Variants in BMERB1 observed in about 807,000 individuals in gnomAD.
BMERB1 encodes the protein bMERB domain containing 1.
Under a neutral mutation model 23.6 loss-of-function variants are expected in BMERB1, and 12 were observed. That is an observed-to-expected ratio of 0.51 (90% CI 0.33 to 0.82). The LOEUF (loss-of-function observed/expected upper bound fraction) is 0.82, where lower values mean the gene tolerates loss of function less well. Among genes scored for constraint, BMERB1 ranks in the 40% least tolerant of loss-of-function variants. The probability of loss-of-function intolerance (pLI) is 0.03; values close to 1 mark genes in which losing one functional copy is unlikely to be tolerated. For missense variants in BMERB1, 247 were observed against 255.4 expected, an observed-to-expected ratio of 0.97 and a Z score of 0.22; for synonymous variants, 122 against 96.6, an observed-to-expected ratio of 1.26 and a Z score of -1.54.
At chr16:15,482,098 C>G (rs567478724) in intron 1 of BMERB1, among the ~76,000 whole-genome samples, 2 of 152,182 alleles carry the variant, frequency 1.3e-5, no homozygotes, top group East Asian at 3.9e-4. Context: ...GAGATGTTTC[C>G]TGGCAGGATA....
Position 15,434,608 on chromosome 16 carries a change from G to GAATGGAGT in BMERB1, c.-43_-36dup, listed in dbSNP as rs1324813820. 6.4e-7 allele frequency: 1 copy of GAATGGAGT among 1,564,410 alleles called. No individual in the cohort carries two copies. Among genetic ancestry groups the GAATGGAGT allele is most frequent in the Non-Finnish European group, 8.8e-7 (1 of 1,135,172 alleles). Reference sequence around the variant, plus strand: ...CCTCCCTCCCTGCAGCCCGCAACGGGAATGGAGTAAAGGGAGACCCGTCGA... The same window carrying GAATGGAGT: ...CCTCCCTCCCTGCAGCCCGCAACGGGAATGGAGTAATGGAGTAAAGGGAGACCCGTCGA... On this transcript the variant is annotated 5_prime_UTR_variant, in exon 1 of 6. It adds an upstream start codon to the 5' untranslated region. Coordinates refer to ENST00000300006, the MANE Select transcript of BMERB1 (RefSeq NM_033201.3).
At chr16:15,489,676 G>C (rs954589074) in intron 1 of BMERB1, among the ~76,000 whole-genome samples, 4 of 152,156 alleles carry the variant, frequency 2.6e-5, no homozygotes, top group African/African-American at 7.2e-5. Flanking sequence ...ATTTTCTGAC[G>C]TGGGTCCTCC....
chr16:15,515,560 T>TCGGGCGGATCACGAGGTCAGGAGATCGA, intron 2 of BMERB1, 132 bp downstream of exon 2: 2 of 1,270,562 alleles, frequency 1.6e-6, no homozygotes, highest in South Asian at 1.7e-5. Flanking sequence ...AAGCCTCATT[T>TCGGGCGGATCACGAGGTCAGGAGATCGA]GATTCTCACC....
chr16:15,547,226 G>A (rs2029946558), intron 2 of BMERB1, among the ~76,000 whole-genome samples: 1 of 151,696 alleles, frequency 6.6e-6, no homozygotes, highest in African/African-American at 2.4e-5. Flanking sequence ...TGGCCAGGCT[G>A]GTCTTAAACT....
At chr16:15,463,585 C>T (rs1361637634) in intron 1 of BMERB1, among the ~76,000 whole-genome samples, 2 of 152,188 alleles carry the variant, frequency 1.3e-5, no homozygotes, top group Non-Finnish European at 2.9e-5. Context: ...CTTACTCACA[C>T]TCTGAGACTG....
Position 15,434,724 on chromosome 16 carries a change from A to C in BMERB1, c.71A>C (p.Glu24Ala). The change falls in exon 1 of 6, where the codon GAG (glutamate) becomes GCG (alanine). Residue 24 changes from glutamate (E) to alanine (A), a missense_variant. Physicochemically the swap from Glu to Ala is moderately radical, Grantham distance 107. Coordinates refer to ENST00000300006, the MANE Select transcript of BMERB1 (RefSeq NM_033201.3). Reference protein sequence around the residue: ...EKPLRRYGAVEETAWKTERLG... With the variant: ...EKPLRRYGAVAETAWKTERLG... ...CCTCTGAGGCGCTATGGGGCGGTGG[A>C]GGAGACGGCTTGGAAAACGGAGAGA... 1 of 1,501,120 alleles carries C rather than the reference A, an allele frequency of 6.7e-7. No individual in the cohort carries two copies. The highest frequency in any genetic ancestry group is 9.0e-7 in the Non-Finnish European group (1 of 1,113,304). 93.0% of individuals were successfully genotyped at this position (1,501,120 alleles called of 1,614,324 possible).
chr16:15,546,938 G>A (rs908581525), intron 2 of BMERB1, among the ~76,000 whole-genome samples: 3 of 151,988 alleles, frequency 2.0e-5, no homozygotes, highest in African/African-American at 7.3e-5. Context: ...TCAAGGCCCA[G>A]GAAAGGCCTG....
intron 1 of BMERB1, among the ~76,000 whole-genome samples, chr16:15,444,112 G>A (rs2050965550): frequency 1.7e-5 from 1 of 59,042 alleles, no homozygotes. Flanking sequence ...CAGGGTCCAG[G>A]CACCAGCTTT....
intron 1 of BMERB1, among the ~76,000 whole-genome samples, chr16:15,509,548 CT>C (rs2051634795): frequency 6.6e-6 from 1 of 152,186 alleles, no homozygotes; most frequent in Non-Finnish European, 1.5e-5. Context: ...CATAAAGGGA[CT>C]CATTCGAGGT....
intron 2 of BMERB1, among the ~76,000 whole-genome samples, chr16:15,562,536 G>A (rs2030452173): frequency 6.6e-6 from 1 of 152,056 alleles, no homozygotes; most frequent in Non-Finnish European, 1.5e-5. Flanking sequence ...CTCAACTTCA[G>A]TGTGATTGAC....
intron 2 of BMERB1, among the ~76,000 whole-genome samples, chr16:15,549,641 T>C (rs2030023684): frequency 6.6e-6 from 1 of 150,660 alleles, no homozygotes; most frequent in African/African-American, 2.4e-5. Flanking sequence ...ATCACGCCAC[T>C]GCACTCCATC....
chr16:15,443,931 G>A (rs2150921582), intron 1 of BMERB1, among the ~76,000 whole-genome samples: 1 of 151,824 alleles, frequency 6.6e-6, no homozygotes, highest in African/African-American at 2.4e-5. Flanking sequence ...AAAAAAAAGT[G>A]TGAAATTAGG....
Position 15,466,539 on chromosome 16 carries a change from T to C in BMERB1, c.106+31780T>C, listed in dbSNP as rs367821368. Among the ~76,000 whole-genome samples, 18 of 152,260 alleles carry C rather than the reference T, an allele frequency of 1.2e-4. 1 individual carries two copies. Among genetic ancestry groups the C allele is most frequent in the Admixed American group, 7.2e-4 (11 of 15,278 alleles). On this transcript the variant is annotated intron_variant, in intron 1 of 5. Coordinates refer to ENST00000300006, the MANE Select transcript of BMERB1 (RefSeq NM_033201.3). ...TGTCTTTTAAAAAAAGACTTTTTAT[T>C]TTGAGATTATTGTAGTTTGCGTGCA... is the stretch of plus-strand genomic sequence containing the variant.
intron 2 of BMERB1, among the ~76,000 whole-genome samples, chr16:15,560,669 T>C (rs2030391067): frequency 6.6e-6 from 1 of 151,930 alleles, no homozygotes; most frequent in South Asian, 2.1e-4. Context: ...GGCGCCTCCC[T>C]GTAGTCCCAG....
At chr16:15,538,646 A>G (rs1040301257) in intron 2 of BMERB1, among the ~76,000 whole-genome samples, 2 of 152,222 alleles carry the variant, frequency 1.3e-5, no homozygotes, top group South Asian at 2.1e-4. Context: ...ACTGAAGCAT[A>G]GTCCAGAATC....
At chr16:15,586,060 T>C (rs1418447727) in intron 5 of BMERB1, among the ~76,000 whole-genome samples, 1 of 152,126 alleles carries the variant, frequency 6.6e-6, no homozygotes, top group African/African-American at 2.4e-5. Flanking sequence ...AAACTGGCCT[T>C]CTGAAATTTT....
At chr16:15,521,174 C>T (rs543965601) in intron 2 of BMERB1, among the ~76,000 whole-genome samples, 61 of 152,340 alleles carry the variant, frequency 4.0e-4, no homozygotes, top group African/African-American at 1.3e-3. Flanking sequence ...CTTGGCAATA[C>T]TCATCTTGTC....
rs929321757 is a variant in BMERB1, at chr16:15,545,560, G to A, written c.231-22423G>A. On this transcript the variant is annotated intron_variant, in intron 2 of 5. Coordinates refer to ENST00000300006, the MANE Select transcript of BMERB1 (RefSeq NM_033201.3). Reference sequence around the variant, plus strand: ...TGGGATTGTAGAAGGCTATGAGTGGGGATGGGGGCTCAGGAGTCGGAAGGA... The same window carrying A: ...TGGGATTGTAGAAGGCTATGAGTGGAGATGGGGGCTCAGGAGTCGGAAGGA... 8.5e-5 allele frequency among the ~76,000 whole-genome samples: 13 copies of A among 152,270 alleles called. No individual in the cohort carries two copies. In the East Asian group the frequency reaches 2.5e-3, roughly 29 times the overall value.
At chr16:15,522,751 G>A (rs916750250) in intron 2 of BMERB1, among the ~76,000 whole-genome samples, 3 of 152,040 alleles carry the variant, frequency 2.0e-5, no homozygotes, top group Non-Finnish European at 2.9e-5. Context: ...TCAGTGCCCC[G>A]CTGCTCAAAC....
Sources: gnomAD v4.1 joint callset for allele counts (sites outside exome capture counted in the v4.1 genomes callset) on GRCh38, gnomAD v4.1.1 for gene constraint, MANE v1.5 for transcripts, NCBI Gene and HGNC (gene_info 2026-07-23, HGNC 2026-07-21) for gene names.